TRIB2: variants seen among roughly 807,000 people sequenced by gnomAD.
TRIB2 encodes the protein tribbles pseudokinase 2.
A neutral mutation model predicts 26.8 loss-of-function variants in TRIB2; 2 were observed. The ratio of observed to expected loss-of-function variants is 0.07; its 90% CI spans 0.03 to 0.24. The LOEUF (loss-of-function observed/expected upper bound fraction) is 0.24. TRIB2 is among the 10% of genes least tolerant of loss of function. The probability of loss-of-function intolerance (pLI) is 1.00; values close to 1 mark genes in which losing one functional copy is unlikely to be tolerated. For synonymous variants in TRIB2, 189 were observed against 187.3 expected (o/e 1.01, Z -0.08); for missense variants, 306 against 449.0 (o/e 0.68, Z 2.88).
At position 12,717,180 on chromosome 2, in the gene TRIB2, C is replaced by T; in HGVS notation, c.-1128C>T. The T allele has an allele frequency of 2.5e-6, 1 of 393,562 alleles. No individual in the cohort carries two copies. Among genetic ancestry groups the T allele is most frequent in the South Asian group, 1.4e-4 (1 of 6,966 alleles). 24.4% of individuals were successfully genotyped at this position (393,562 alleles called of 1,614,324 possible). A position where few individuals can be genotyped will look rare whatever the true frequency, so the allele number is the denominator to read the frequency against. ...AAGGAGGAGACAAGCCGTCAATTTT[C>T]TCCAAAACAAACCCCACCGGGCAAT... is the stretch of plus-strand genomic sequence containing the variant. On this transcript the variant is annotated 5_prime_UTR_variant, in exon 1 of 3. Coordinates refer to ENST00000155926, the MANE Select transcript of TRIB2 (RefSeq NM_021643.4). The surrounding 1 kb of genome is among the most constrained non-coding windows in gnomAD (Gnocchi z 4.8).
At chr2:12,728,813 TC>T (rs940463157) in intron 2 of TRIB2, among the ~76,000 whole-genome samples, 1 of 151,836 alleles carries the variant, frequency 6.6e-6, no homozygotes, top group African/African-American at 2.4e-5. Context: ...CGTTTCTCCT[TC>T]CCCCACCAAC....
intron 2 of TRIB2, among the ~76,000 whole-genome samples, chr2:12,738,182 G>A (rs7422473): frequency 2.0e-5 from 3 of 152,004 alleles, no homozygotes; most frequent in Non-Finnish European, 2.9e-5. Flanking sequence ...ACCTTGCCCC[G>A]CTTCTATGGC....
At chr2:12,724,877 G>T (rs1250000201) in intron 2 of TRIB2, 1 of 1,576,566 alleles carries the variant, frequency 6.3e-7, no homozygotes, top group African/African-American at 1.4e-5. Context: ...TACTGACAAA[G>T]GTATTCTCTC....
In TRIB2 at chr2:12,740,135, C is replaced by T. The variant is rs1661680478; in HGVS notation, c.564-191C>T. On this transcript the variant is annotated intron_variant, in intron 2 of 2. Transcript: ENST00000155926. This position sits in a 1 kb window ranked among gnomAD's most constrained non-coding sequence, Gnocchi z 5.8. Reference sequence around the variant, plus strand: ...AGTCTTGTTCACCCATGTGGGTGTCCTCAGCCCTGGAATAGTAGCTGGCAG... The same window carrying T: ...AGTCTTGTTCACCCATGTGGGTGTCTTCAGCCCTGGAATAGTAGCTGGCAG... Among the ~76,000 whole-genome samples the T allele has an allele frequency of 6.6e-6, 1 of 152,224 alleles. No homozygotes were observed. Among genetic ancestry groups the T allele is most frequent in the Non-Finnish European group, 1.5e-5 (1 of 68,032 alleles).
Position 12,718,562 on chromosome 2 carries a change from G to A in TRIB2, c.255G>A (p.Glu85=). 4 of 1,613,590 alleles carry A rather than the reference G, an allele frequency of 2.5e-6. No homozygotes were observed. The highest frequency in any genetic ancestry group is 3.4e-6 in the Non-Finnish European group (4 of 1,179,454). ...GTGCCGTGCATCTGCACAGCGGAGA[G>A]GAGCTGGTGTGCAAGGTAAAGGGCC... is the stretch of plus-strand genomic sequence containing the variant. ...VFRAVHLHSG[E]ELVCKVFDIS... Residue 85 remains glutamate (E), a synonymous_variant, in exon 1 of 3, where the codon GAG becomes GAA. Transcript: ENST00000155926. The surrounding 1 kb of genome is among the most constrained non-coding windows in gnomAD (Gnocchi z 4.0).
intron 1 of TRIB2, among the ~76,000 whole-genome samples, chr2:12,721,371 A>G (rs1661215296): frequency 1.3e-5 from 2 of 152,226 alleles, no homozygotes; most frequent in Non-Finnish European, 2.9e-5. Flanking sequence ...GTAGATTATA[A>G]ATAATCATAA....
intron 2 of TRIB2, among the ~76,000 whole-genome samples, chr2:12,724,059 C>T (rs1188042280): frequency 6.6e-6 from 1 of 152,180 alleles, no homozygotes; most frequent in African/African-American, 2.4e-5. Context: ...GCTACCAGCT[C>T]AGAATAGAGG....
chr2:12,717,202 C>T lies in TRIB2; in HGVS notation c.-1106C>T. 1 of 396,186 alleles carries T rather than the reference C, an allele frequency of 2.5e-6. No homozygotes were observed. The highest frequency in any genetic ancestry group is 4.4e-6 in the Non-Finnish European group (1 of 225,000). 24.5% of individuals were successfully genotyped at this position (396,186 alleles called of 1,614,324 possible). On this transcript the variant is annotated 5_prime_UTR_variant, in exon 1 of 3. Transcript: ENST00000155926. The surrounding 1 kb of genome is among the most constrained non-coding windows in gnomAD (Gnocchi z 4.8). ...TTTCTCCAAAACAAACCCCACCGGG[C>T]AATTTGGTCTCGGGGTAGGGGGAGA...
At chr2:12,739,278 G>C (rs1661656825) in intron 2 of TRIB2, among the ~76,000 whole-genome samples, 1 of 152,028 alleles carries the variant, frequency 6.6e-6, no homozygotes, top group Non-Finnish European at 1.5e-5. Flanking sequence ...TTTCTTTTTT[G>C]AGACAGAGTC....
At chr2:12,733,950 C>T (rs1661514294) in intron 2 of TRIB2, among the ~76,000 whole-genome samples, 1 of 152,192 alleles carries the variant, frequency 6.6e-6, no homozygotes, top group African/African-American at 2.4e-5. Flanking sequence ...AGAGGAACCA[C>T]ACCCTGCTGC....
At chr2:12,721,996 A>G (rs1326274901) in intron 1 of TRIB2, among the ~76,000 whole-genome samples, 2 of 152,198 alleles carry the variant, frequency 1.3e-5, no homozygotes, top group Non-Finnish European at 2.9e-5. Flanking sequence ...ATGTGACATC[A>G]GGACCCAAAA....
At chr2:12,727,835 CTGTG>C (rs1315212167) in intron 2 of TRIB2, among the ~76,000 whole-genome samples, 1 of 152,018 alleles carries the variant, frequency 6.6e-6, no homozygotes, top group Admixed American at 6.6e-5. Context: ...CTCAGACAGT[CTGTG>C]TGTAGTAGCG....
At chr2:12,723,943 A>G (rs1178534712) in intron 2 of TRIB2, among the ~76,000 whole-genome samples, 1 of 152,094 alleles carries the variant, frequency 6.6e-6, no homozygotes, top group Non-Finnish European at 1.5e-5. Context: ...TCATCCATGC[A>G]CTCATTCAGT....
At chr2:12,724,500 A>G in intron 2 of TRIB2, 2 of 1,429,178 alleles carry the variant, frequency 1.4e-6, no homozygotes, top group Non-Finnish European at 1.9e-6. Context: ...GGCCCCACAT[A>G]ATGTGGAGAC....
At chr2:12,736,180 G>A (rs995576177) in intron 2 of TRIB2, among the ~76,000 whole-genome samples, 2 of 152,110 alleles carry the variant, frequency 1.3e-5, no homozygotes, top group Non-Finnish European at 2.9e-5. Context: ...ATGGAAAAGG[G>A]CCTCAGATTT....
At position 12,718,717 on chromosome 2, in the gene TRIB2, T is replaced by C; in HGVS notation, c.270+140T>C. On this transcript the variant is annotated intron_variant, in intron 1 of 2. Transcript: ENST00000155926. The surrounding 1 kb of genome is among the most constrained non-coding windows in gnomAD (Gnocchi z 4.0). ...TAAATGGGTTTATTTATTTATTTGC[T>C]CAGGTTCGGTAAGTTGCGAAGTTTT... 8.0e-7 allele frequency: 1 copy of C among 1,253,746 alleles called. No individual in the cohort carries two copies. The highest frequency in any genetic ancestry group is 1.1e-6 in the Non-Finnish European group (1 of 926,580). The allele number at this position is 1,253,746 out of a possible 1,614,324, so 77.7% of individuals were successfully genotyped here. A position where few individuals can be genotyped will look rare whatever the true frequency, so the allele number is the denominator to read the frequency against.
At position 12,718,894 on chromosome 2, in the gene TRIB2, G is replaced by T. The variant is rs193000701; in HGVS notation, c.270+317G>T. Among the ~76,000 whole-genome samples, 1 of 152,048 alleles carries T rather than the reference G, an allele frequency of 6.6e-6. No individual in the cohort carries two copies. On this transcript the variant is annotated intron_variant, in intron 1 of 2. Transcript: ENST00000155926. The surrounding 1 kb of genome is among the most constrained non-coding windows in gnomAD (Gnocchi z 4.0). The stretch of plus-strand genomic sequence containing the variant: ...GCGCGAGGCCGGGTCCCGCTGCCCG[G>T]GGGGGATTTCTTCCTGTGTCTAGCC...
At chr2:12,724,062 A>G (rs1417197488) in intron 2 of TRIB2, among the ~76,000 whole-genome samples, 1 of 152,192 alleles carries the variant, frequency 6.6e-6, no homozygotes, top group Non-Finnish European at 1.5e-5. Flanking sequence ...ACCAGCTCAG[A>G]ATAGAGGTCC....
chr2:12,732,847 G>A lies in TRIB2; in HGVS notation c.564-7479G>A, dbSNP rs1661486489. Among the ~76,000 whole-genome samples, 1 of 152,192 alleles carries A rather than the reference G, an allele frequency of 6.6e-6. No homozygotes were observed. The highest frequency in any genetic ancestry group is 2.4e-5 in the African/African-American group (1 of 41,428). On this transcript the variant is annotated intron_variant, in intron 2 of 2. Coordinates refer to ENST00000155926, the MANE Select transcript of TRIB2 (RefSeq NM_021643.4). The surrounding 1 kb of genome is among the most constrained non-coding windows in gnomAD (Gnocchi z 4.2). ...TAACAGTCAGGGCAAGGTCAGATCT[G>A]GCAGCAGCTGACCTTTTCACTTGAC...
Sources: allele counts gnomAD v4.1 joint callset (sites outside exome capture counted in the v4.1 genomes callset), GRCh38; gene constraint gnomAD v4.1.1; non-coding constraint Gnocchi (gnomAD v3.1); transcripts MANE v1.5; gene names NCBI Gene and HGNC (gene_info 2026-07-23, HGNC 2026-07-21).